The following F13A1 variants were observed in gnomAD, a reference collection of about 807,000 sequenced individuals.
F13A1 encodes coagulation factor XIII A chain.
A neutral mutation model predicts 80.1 loss-of-function variants in F13A1; 47 were observed. The ratio of observed to expected loss-of-function variants is 0.59; its 90% CI spans 0.46 to 0.75. F13A1 has a LOEUF of 0.75. Among genes scored for constraint, F13A1 ranks in the 30% least tolerant of loss-of-function variants. The probability of loss-of-function intolerance (pLI) is 0.00; values close to 1 mark genes in which losing one functional copy is unlikely to be tolerated. For missense variants in F13A1, 817 were observed against 930.4 expected, an observed-to-expected ratio of 0.88 and a Z score of 1.59; for synonymous variants, 349 against 344.9, an observed-to-expected ratio of 1.01 and a Z score of -0.13.
At chr6:6,241,635 A>C (rs1757484916) in intron 6 of F13A1, among the ~76,000 whole-genome samples, 1 of 150,504 alleles carries the variant, frequency 6.6e-6, no homozygotes, top group Non-Finnish European at 1.5e-5. Context: ...CGTTCACTCC[A>C]AAAAAAGAGG....
intron 8 of F13A1, among the ~76,000 whole-genome samples, chr6:6,198,280 A>T (rs1761327080): frequency 6.6e-6 from 1 of 152,232 alleles, no homozygotes; most frequent in Non-Finnish European, 1.5e-5. Context: ...CATGGAATAA[A>T]ATGCCATCAT....
intron 6 of F13A1, among the ~76,000 whole-genome samples, chr6:6,227,376 G>T (rs1757291086): frequency 3.3e-5 from 5 of 152,140 alleles, no homozygotes. Context: ...CTCTTTGGGG[G>T]TCTCTAAAAG....
At chr6:6,257,081 C>A (rs951046846) in intron 4 of F13A1, among the ~76,000 whole-genome samples, 2 of 152,166 alleles carry the variant, frequency 1.3e-5, no homozygotes, top group Non-Finnish European at 2.9e-5. Context: ...GAATCACTTA[C>A]ACTTGCTTCC....
intron 8 of F13A1, among the ~76,000 whole-genome samples, chr6:6,211,950 C>G (rs1275166116): frequency 6.6e-6 from 1 of 152,240 alleles, no homozygotes; most frequent in African/African-American, 2.4e-5. Flanking sequence ...CACTCCCACC[C>G]AAATACTGCG....
chr6:6,227,155 A>G (rs1026478611), intron 6 of F13A1, among the ~76,000 whole-genome samples: 3 of 152,248 alleles, frequency 2.0e-5, no homozygotes, highest in Non-Finnish European at 4.4e-5. Context: ...ACTGTGAATG[A>G]CAAAGCCTTC....
intron 6 of F13A1, among the ~76,000 whole-genome samples, chr6:6,242,324 G>C (rs919739079): frequency 6.6e-6 from 1 of 152,148 alleles, no homozygotes; most frequent in African/African-American, 2.4e-5. Context: ...ACATCGATTG[G>C]TTAAAAAAGT....
At chr6:6,241,195 G>A (rs1015524746) in intron 6 of F13A1, among the ~76,000 whole-genome samples, 6 of 152,208 alleles carry the variant, frequency 3.9e-5, no homozygotes, top group African/African-American at 1.2e-4. Context: ...AGAAGCTCTG[G>A]ATGGAGACTC....
chr6:6,220,889 A>C (rs186971228), intron 8 of F13A1, among the ~76,000 whole-genome samples: 4 of 152,280 alleles, frequency 2.6e-5, no homozygotes, highest in Admixed American at 1.3e-4. Flanking sequence ...CAGCAATTTC[A>C]TTTCAACATT....
In F13A1 at chr6:6,250,018, A is replaced by G. The variant is rs1390630904; in HGVS notation, c.690+793T>C. 6.6e-6 allele frequency among the ~76,000 whole-genome samples: 1 copy of G among 152,136 alleles called. No individual in the cohort carries two copies. The highest frequency in any genetic ancestry group is 1.5e-5 in the Non-Finnish European group (1 of 68,030). On this transcript the variant is annotated intron_variant, in intron 5 of 14. Coordinates refer to ENST00000264870, the MANE Select transcript of F13A1 (RefSeq NM_000129.4). This position sits in a 1 kb window ranked among gnomAD's most constrained non-coding sequence, Gnocchi z 4.2. ...ATGGAAGTCAAAGCAAGGCATCCGG[A>G]GCCAAGAAAGTACCCTGTGACCACC...
chr6:6,218,754 G>A (rs879516104), intron 8 of F13A1, among the ~76,000 whole-genome samples: 6 of 152,190 alleles, frequency 3.9e-5, no homozygotes, highest in Non-Finnish European at 7.3e-5. Context: ...GGCAAACCAG[G>A]AAGCAGTCTG....
intron 13 of F13A1, among the ~76,000 whole-genome samples, chr6:6,165,272 C>T (rs1012280538): frequency 2.6e-5 from 4 of 152,234 alleles, no homozygotes; most frequent in Non-Finnish European, 4.4e-5. Flanking sequence ...ATGCCCAGGT[C>T]TGCTAACTTG....
intron 10 of F13A1, among the ~76,000 whole-genome samples, chr6:6,189,746 A>T (rs1761147814): frequency 6.7e-6 from 1 of 148,770 alleles, no homozygotes; most frequent in African/African-American, 2.5e-5. Flanking sequence ...CGTTCTCTGT[A>T]TTTCCTGAAT....
intron 8 of F13A1, among the ~76,000 whole-genome samples, chr6:6,208,716 A>T (rs1039301915): frequency 6.6e-6 from 1 of 152,188 alleles, no homozygotes; most frequent in Non-Finnish European, 1.5e-5. Context: ...CATTAAAAAA[A>T]TAATTTACCA....
intron 3 of F13A1, among the ~76,000 whole-genome samples, chr6:6,304,075 C>G (rs1758474800): frequency 6.6e-6 from 1 of 152,110 alleles, no homozygotes; most frequent in Non-Finnish European, 1.5e-5. Context: ...TTACTAAAAC[C>G]TTTAAAGTAC....
At chr6:6,297,441 T>A (rs1186846005) in intron 3 of F13A1, among the ~76,000 whole-genome samples, 1 of 151,106 alleles carries the variant, frequency 6.6e-6, no homozygotes, top group Non-Finnish European at 1.5e-5. Flanking sequence ...TATTGGTCTA[T>A]TCAGAGATTC....
At position 6,305,487 on chromosome 6, in the gene F13A1, G is replaced by T. The variant is rs121913067; in HGVS notation, c.183C>A (p.Asn61Lys). ...ACTTGTCAGTGTGGTGGTCCACCTTGTTAGTGTCCCATCTCTCCTTGAACA... is the reference window on the plus strand; with the variant it reads ...ACTTGTCAGTGTGGTGGTCCACCTTTTTAGTGTCCCATCTCTCCTTGAACA... ...VHLFKERWDT[N>K]KVDHHTDKYE... is the part of the protein sequence containing the mutation. Residue 61 changes from asparagine to lysine, a missense_variant, in exon 3 of 15, where the codon AAC becomes AAA. Coordinates refer to ENST00000264870, the MANE Select transcript of F13A1 (RefSeq NM_000129.4). 3 of 1,614,208 alleles carry T rather than the reference G, an allele frequency of 1.9e-6. No homozygotes were observed. The highest frequency in any genetic ancestry group is 2.5e-6 in the Non-Finnish European group (3 of 1,180,032).
At chr6:6,317,075 C>T (rs1355952731) in intron 2 of F13A1, among the ~76,000 whole-genome samples, 3 of 152,186 alleles carry the variant, frequency 2.0e-5, no homozygotes, top group African/African-American at 7.2e-5. Flanking sequence ...GTGCCTACAC[C>T]CCCTTTCCGG....
chr6:6,283,603 A>T (rs1758095902), intron 3 of F13A1, among the ~76,000 whole-genome samples: 2 of 152,216 alleles, frequency 1.3e-5, no homozygotes, highest in South Asian at 4.1e-4. Context: ...AAATTTAAAA[A>T]AAACTTTTAA....
rs1185479416 is a variant in F13A1 at position 6,297,622 on chromosome 6, T to C, written c.319+7729A>G. 2.0e-5 allele frequency among the ~76,000 whole-genome samples: 3 copies of C among 149,590 alleles called. No homozygotes were observed. In the East Asian group the frequency reaches 5.8e-4, roughly 29 times the overall value. On this transcript the variant is annotated intron_variant, in intron 3 of 14. Coordinates refer to ENST00000264870, the MANE Select transcript of F13A1 (RefSeq NM_000129.4). ...CCTTTATCATTTTTTATTGTGTCTATTTGATTCTTCTCTCTTTTTTTCTTT... is the reference window on the plus strand; with the variant it reads ...CCTTTATCATTTTTTATTGTGTCTACTTGATTCTTCTCTCTTTTTTTCTTT...
Sources: allele counts gnomAD v4.1 joint callset (sites outside exome capture counted in the v4.1 genomes callset), GRCh38; gene constraint gnomAD v4.1.1; non-coding constraint Gnocchi (gnomAD v3.1); transcripts MANE v1.5; gene names NCBI Gene and HGNC (gene_info 2026-07-23, HGNC 2026-07-21).